The following PARD3 variants were observed in gnomAD, a reference collection of about 807,000 sequenced individuals.
The protein encoded by PARD3 is partitioning defective 3 homolog.
A neutral mutation model predicts 155.4 loss-of-function variants in PARD3; 75 were observed. The ratio of observed to expected loss-of-function variants is 0.48; its 90% CI spans 0.40 to 0.58. The LOEUF (loss-of-function observed/expected upper bound fraction) is 0.58. Ranked by LOEUF, PARD3 falls within the 20% of genes least tolerant of loss-of-function variation. The pLI is 0.00. For synonymous variants in PARD3, 576 were observed against 610.5 expected (o/e 0.94, Z 0.83); for missense variants, 1,642 against 1,721.7 (o/e 0.95, Z 0.82).
At chr10:34,115,412 G>A (rs1451556249) in intron 24 of PARD3, among the ~76,000 whole-genome samples, 1 of 152,136 alleles carries the variant, frequency 6.6e-6, no homozygotes, top group African/African-American at 2.4e-5. Context: ...TTTGGGGGCT[G>A]CCTTTTGGAT....
At chr10:34,381,529 C>T (rs1841823438) in intron 9 of PARD3, among the ~76,000 whole-genome samples, 1 of 152,064 alleles carries the variant, frequency 6.6e-6, no homozygotes, top group Admixed American at 6.5e-5. Flanking sequence ...CAAGAACATG[C>T]TCTCTATACA....
intron 7 of PARD3, among the ~76,000 whole-genome samples, chr10:34,393,327 C>G (rs1235601495): frequency 2.0e-5 from 3 of 152,010 alleles, no homozygotes; most frequent in Non-Finnish European, 4.4e-5. Flanking sequence ...TGCCCGTAAT[C>G]CATGCACTTT....
chr10:34,764,936 T>C (rs1375249357), intron 1 of PARD3, among the ~76,000 whole-genome samples: 1 of 152,228 alleles, frequency 6.6e-6, no homozygotes, highest in Non-Finnish European at 1.5e-5. Context: ...ATAATCTATG[T>C]ACTTCACCTT....
intron 22 of PARD3, among the ~76,000 whole-genome samples, chr10:34,177,301 C>T (rs188044342): frequency 1.1e-3 from 164 of 152,250 alleles, no homozygotes; most frequent in Middle Eastern, 3.4e-3. Context: ...GACCCCATGA[C>T]TTTTCCAGCC....
chr10:34,549,793 G>A (rs1230145035), intron 2 of PARD3, among the ~76,000 whole-genome samples: 1 of 151,942 alleles, frequency 6.6e-6, no homozygotes, highest in Non-Finnish European at 1.5e-5. Flanking sequence ...GTCTTTAGAT[G>A]AGGCATACTC....
chr10:34,421,583 CTT>C (rs1846193151), intron 5 of PARD3, among the ~76,000 whole-genome samples: 1 of 152,066 alleles, frequency 6.6e-6, no homozygotes, highest in Admixed American at 6.6e-5. Flanking sequence ...GCCATGAACT[CTT>C]TTCCTAGCTG....
chr10:34,560,786 G>C (rs2085405998), intron 2 of PARD3, among the ~76,000 whole-genome samples: 1 of 152,158 alleles, frequency 6.6e-6, no homozygotes. Flanking sequence ...TGAGACAATG[G>C]TGTTAAATAA....
At chr10:34,251,265 C>T (rs1954289136) in intron 22 of PARD3, among the ~76,000 whole-genome samples, 1 of 152,140 alleles carries the variant, frequency 6.6e-6, no homozygotes, top group Non-Finnish European at 1.5e-5. Context: ...AATCCAATAT[C>T]ATACCCATGC....
At chr10:34,494,757 T>C (rs187647052) in intron 3 of PARD3, among the ~76,000 whole-genome samples, 91 of 152,350 alleles carry the variant, frequency 6.0e-4, no homozygotes, top group Admixed American at 1.2e-3. Flanking sequence ...TCCTGATATT[T>C]TTTTAATAAT....
At chr10:34,761,801 G>A (rs79480377) in intron 1 of PARD3, among the ~76,000 whole-genome samples, 16 of 152,182 alleles carry the variant, frequency 1.1e-4, no homozygotes, top group Middle Eastern at 6.8e-3. Flanking sequence ...TTAAGAAAAC[G>A]ATGAGTCCTA....
At chr10:34,735,159 T>C (rs1368064655) in intron 1 of PARD3, among the ~76,000 whole-genome samples, 1 of 152,160 alleles carries the variant, frequency 6.6e-6, no homozygotes, top group African/African-American at 2.4e-5. Flanking sequence ...AAATAATAAG[T>C]AGATAACCTA....
Position 34,792,521 on chromosome 10 carries a change from A to T in PARD3, c.120+22355T>A, listed in dbSNP as rs1841778658. Reference sequence around the variant, plus strand: ...TATGTTTAATTATAAAAGATTAAAAACACCCAGAGTCACAAAGCCAGGAGT... The same window carrying T: ...TATGTTTAATTATAAAAGATTAAAATCACCCAGAGTCACAAAGCCAGGAGT... On this transcript the variant is annotated intron_variant, in intron 1 of 24. Coordinates refer to ENST00000374788, the MANE Select transcript of PARD3 (RefSeq NM_001184785.2). Among the ~76,000 whole-genome samples, 3 of 152,240 alleles carry T rather than the reference A, an allele frequency of 2.0e-5. No individual in the cohort carries two copies. In the South Asian group the frequency reaches 6.2e-4, roughly 31 times the overall value.
intron 1 of PARD3, among the ~76,000 whole-genome samples, chr10:34,779,284 T>C (rs1172750785): frequency 1.9e-4 from 26 of 135,384 alleles, no homozygotes; most frequent in South Asian, 1.2e-3. Context: ...CCAGCCTGGG[T>C]GAAAGAGCTA....
intron 5 of PARD3, among the ~76,000 whole-genome samples, chr10:34,434,921 G>C (rs1046032407): frequency 6.6e-6 from 1 of 152,064 alleles, no homozygotes; most frequent in Non-Finnish European, 1.5e-5. Context: ...ACGAGGCTTT[G>C]CTATGAGCTG....
intron 1 of PARD3, among the ~76,000 whole-genome samples, chr10:34,755,409 T>C (rs1368841058): frequency 1.3e-5 from 2 of 150,448 alleles, no homozygotes; most frequent in Admixed American, 6.6e-5. Flanking sequence ...AGAAACTCTG[T>C]CTCAAAAAAA....
At position 34,443,945 on chromosome 10, in the gene PARD3, A is replaced by G. The variant is rs553065697; in HGVS notation, c.714+6372T>C. Among the ~76,000 whole-genome samples, 97 of 152,282 alleles carry G rather than the reference A, an allele frequency of 6.4e-4. 1 individual carries two copies. The South Asian group carries it at 6.6e-3, about 10-fold the overall frequency. ...GGTGGGATTCTTTTGTAGCTGCCAAAGGTATGAAAATGACGTAGACATCGG... is the reference window on the plus strand; with the variant it reads ...GGTGGGATTCTTTTGTAGCTGCCAAGGGTATGAAAATGACGTAGACATCGG... On this transcript the variant is annotated intron_variant, in intron 5 of 24. Coordinates refer to ENST00000374788, the MANE Select transcript of PARD3 (RefSeq NM_001184785.2).
rs755922518 is a variant in PARD3, at chr10:34,341,776, A to G, written c.2259T>C (p.Asp753=). 2 of 1,613,550 alleles carry G rather than the reference A, an allele frequency of 1.2e-6. No homozygotes were observed. The highest frequency in any genetic ancestry group is 4.5e-5 in the East Asian group (2 of 44,858). ...TGTCATCTTCTATAATGACAGTGTCATCTTGGGGCATATTCACTGTAGGGG... is the reference window on the plus strand; with the variant it reads ...TGTCATCTTCTATAATGACAGTGTCGTCTTGGGGCATATTCACTGTAGGGG... ...QLSPTVNMPQ[D]DTVIIEDDRL... is the part of the protein sequence containing the mutation. Residue 753 remains aspartate, a synonymous_variant, in exon 16 of 25, where the codon GAT becomes GAC. Coordinates refer to ENST00000374788, the MANE Select transcript of PARD3 (RefSeq NM_001184785.2).
intron 3 of PARD3, among the ~76,000 whole-genome samples, chr10:34,491,660 T>C (rs546158016): frequency 6.6e-6 from 1 of 152,310 alleles, no homozygotes; most frequent in South Asian, 2.1e-4. Context: ...TCAATAATAA[T>C]CAAGGAAAAC....
At chr10:34,571,992 C>T (rs2086450827) in intron 2 of PARD3, among the ~76,000 whole-genome samples, 1 of 151,914 alleles carries the variant, frequency 6.6e-6, no homozygotes, top group African/African-American at 2.4e-5. Context: ...TTTGCGTTAC[C>T]CAAGCAACTA....
Sources: gnomAD v4.1 joint callset for allele counts (sites outside exome capture counted in the v4.1 genomes callset) on GRCh38, gnomAD v4.1.1 for gene constraint, MANE v1.5 for transcripts, NCBI Gene and HGNC (gene_info 2026-07-23, HGNC 2026-07-21) for gene names.